SLC14A2: variants seen among roughly 807,000 people sequenced by gnomAD.
SLC14A2 encodes solute carrier family 14 member 2.
SLC14A2 carries 91 observed loss-of-function variants against 104.6 expected under a neutral mutation model. The observed-to-expected ratio is 0.87, with a 90% CI of 0.73 to 1.04. The LOEUF (loss-of-function observed/expected upper bound fraction) is 1.04, where lower values mean the gene tolerates loss of function less well. Among genes scored for constraint, SLC14A2 ranks in the 50% least tolerant of loss-of-function variants. The pLI is 0.00. For missense variants in SLC14A2, 1,189 were observed against 1,156.0 expected (o/e 1.03, Z -0.41); for synonymous variants, 476 against 466.4 (o/e 1.02, Z -0.27).
At chr18:45,663,607 T>C (rs1339431818) in intron 10 of SLC14A2, among the ~76,000 whole-genome samples, 178 bp from the exon 11 acceptor site, 1 of 152,182 alleles carries the variant, frequency 6.6e-6, no homozygotes, top group Non-Finnish European at 1.5e-5. Context: ...GAAGTTTTAA[T>C]GGGAGAAATA....
intron 2 of SLC14A2, among the ~76,000 whole-genome samples, chr18:45,538,114 C>T (rs1016942137): frequency 2.0e-5 from 3 of 152,162 alleles, no homozygotes; most frequent in Non-Finnish European, 4.4e-5. Context: ...AGTGCCCTTC[C>T]ATGCAGGTGG....
At chr18:45,217,485 G>GTCT (rs2084021271) in intron 1 of SLC14A2, among the ~76,000 whole-genome samples, 1 of 151,984 alleles carries the variant, frequency 6.6e-6, no homozygotes, top group African/African-American at 2.4e-5. Flanking sequence ...TAGGCAGGGG[G>GTCT]TCTTGATCTG....
rs1462248775 is a variant in SLC14A2, at chr18:45,641,237, C to T, written c.1020C>T (p.Thr340=). 2 of 1,613,190 alleles carry T rather than the reference C, an allele frequency of 1.2e-6. No individual in the cohort carries two copies. The highest frequency in any genetic ancestry group is 1.7e-6 in the Non-Finnish European group (2 of 1,179,736). ...TGTCAGTGGCCACACCCTTCGAGAC[C>T]ATCTACACAGGCCTCTGGAGCTACA... ...AALSVATPFE[T]IYTGLWSYNC... Residue 340 remains threonine (T), a synonymous_variant, in exon 8 of 20, where the codon ACC becomes ACT. Coordinates refer to ENST00000255226, the MANE Select transcript of SLC14A2 (RefSeq NM_007163.4).
intron 1 of SLC14A2, among the ~76,000 whole-genome samples, chr18:45,216,716 G>A (rs865988449): frequency 1.3e-5 from 2 of 152,250 alleles, no homozygotes; most frequent in Admixed American, 6.5e-5. Context: ...TTGGACATAG[G>A]GGGGCCGAGC....
intron 2 of SLC14A2, among the ~76,000 whole-genome samples, chr18:45,609,992 G>A (rs1392575451): frequency 6.6e-6 from 1 of 152,200 alleles, no homozygotes; most frequent in Admixed American, 6.5e-5. Flanking sequence ...TTTTGCTGTT[G>A]CTAAATCTAA....
At chr18:45,308,240 A>C (rs1294886696) in intron 1 of SLC14A2, among the ~76,000 whole-genome samples, 1 of 152,164 alleles carries the variant, frequency 6.6e-6, no homozygotes, top group Non-Finnish European at 1.5e-5. Context: ...CTATGTGCTA[A>C]GCTCTGTGTG....
intron 1 of SLC14A2, among the ~76,000 whole-genome samples, chr18:45,250,360 G>A (rs540814803): frequency 3.9e-5 from 6 of 152,130 alleles, no homozygotes; most frequent in Admixed American, 6.5e-5. Context: ...TTTTAATCTC[G>A]TTTTATTCCA....
At chr18:45,550,927 CTT>C (rs1433964148) in intron 2 of SLC14A2, among the ~76,000 whole-genome samples, 1 of 152,210 alleles carries the variant, frequency 6.6e-6, no homozygotes, top group Admixed American at 6.5e-5. Context: ...ACGGAACTGA[CTT>C]ATTCCTGCTG....
intron 1 of SLC14A2, among the ~76,000 whole-genome samples, chr18:45,264,498 G>A (rs748760463): frequency 3.3e-4 from 50 of 152,138 alleles, no homozygotes; most frequent in Admixed American, 7.8e-4. Flanking sequence ...TTTTGCTGCT[G>A]ATAAAGACAT....
At chr18:45,198,211 C>T in the SLC14A2 span, among the ~76,000 whole-genome samples, 1 of 152,034 alleles carries the variant, frequency 6.6e-6, no homozygotes, top group African/African-American at 2.4e-5. Flanking sequence ...ATAAGGTATG[C>T]AAGGAAAAGT....
intron 5 of SLC14A2, among the ~76,000 whole-genome samples, chr18:45,633,754 A>T (rs921034731): frequency 2.0e-5 from 3 of 152,258 alleles, no homozygotes; most frequent in Admixed American, 2.0e-4. Context: ...CAAAGTCTGC[A>T]GTTACTAAAA....
rs545507437 is a variant in SLC14A2, at chr18:45,223,547, T to C, written c.-125+10356T>C. On this transcript the variant is annotated intron_variant, in intron 1 of 20. Coordinates refer to the SLC14A2 transcript ENST00000586448. ...GGAAACTCACTCTCAGACAGGGTCT[T>C]CTTTCCAATGGTTAGTTTTCATGAT... is the stretch of plus-strand genomic sequence containing the variant. Among the ~76,000 whole-genome samples, 28 of 152,322 alleles carry C rather than the reference T, an allele frequency of 1.8e-4. No individual in the cohort carries two copies. The South Asian group carries it at 5.6e-3, about 30-fold the overall frequency.
chr18:45,189,322 A>G, the SLC14A2 span, among the ~76,000 whole-genome samples: 1 of 152,210 alleles, frequency 6.6e-6, no homozygotes, highest in Non-Finnish European at 1.5e-5. Flanking sequence ...AATGGGGGTA[A>G]CAATACAATC....
intron 6 of SLC14A2, 95 bp from the exon 7 acceptor site, chr18:45,639,651 A>C: frequency 8.0e-7 from 1 of 1,253,480 alleles, no homozygotes; most frequent in South Asian, 1.3e-5. Flanking sequence ...GTTCCACTCC[A>C]TTACTCCCCC....
chr18:45,673,787 T>C lies in SLC14A2; in HGVS notation c.2482T>C (p.Trp828Arg). 1.9e-6 allele frequency: 3 copies of C among 1,614,202 alleles called. No individual in the cohort carries two copies. Among genetic ancestry groups the C allele is most frequent in the South Asian group, 1.1e-5 (1 of 91,088 alleles). ...AIGGMFYVIT[W>R]QTHLLAIACA... ...AGGAGGCATGTTCTACGTCATCACC[T>C]GGCAGACGCACCTCCTCGCCATCGC... The change falls in exon 18 of 20, where the codon TGG becomes CGG. Residue 828 changes from tryptophan (W) to arginine (R), a missense_variant. Coordinates refer to ENST00000255226, the MANE Select transcript of SLC14A2 (RefSeq NM_007163.4).
chr18:45,394,137 C>T (rs1004757925), intron 1 of SLC14A2, among the ~76,000 whole-genome samples: 2 of 152,198 alleles, frequency 1.3e-5, no homozygotes, highest in Admixed American at 6.5e-5. Flanking sequence ...ATGATACTTT[C>T]GTTAGTCCAA....
chr18:45,621,979 C>T (rs996140508), intron 1 of SLC14A2, among the ~76,000 whole-genome samples: 3 of 152,086 alleles, frequency 2.0e-5, no homozygotes, highest in African/African-American at 7.2e-5. Flanking sequence ...AAAAGGAGGC[C>T]AGCATGGGGC....
At chr18:45,319,110 C>G (rs1259283958) in intron 1 of SLC14A2, among the ~76,000 whole-genome samples, 1 of 152,162 alleles carries the variant, frequency 6.6e-6, no homozygotes, top group Non-Finnish European at 1.5e-5. Context: ...TTCTGCCCAC[C>G]TTTGACCCTC....
intron 2 of SLC14A2, among the ~76,000 whole-genome samples, 161 bp from the exon 3 acceptor site, chr18:45,625,522 T>C (rs540796531): frequency 6.6e-6 from 1 of 152,192 alleles, no homozygotes; most frequent in South Asian, 2.1e-4. Flanking sequence ...AACAGGCTTG[T>C]ACGGGGCACT....
Sources: allele counts gnomAD v4.1 joint callset (sites outside exome capture counted in the v4.1 genomes callset), GRCh38; gene constraint gnomAD v4.1.1; transcripts MANE v1.5; gene names NCBI Gene and HGNC (gene_info 2026-07-23, HGNC 2026-07-21).